The following UBE3D variants were observed in gnomAD, a reference collection of about 807,000 sequenced individuals.
UBE3D encodes the protein E3 ubiquitin-protein ligase E3D.
UBE3D carries 48 observed loss-of-function variants against 49.6 expected under a neutral mutation model. The observed-to-expected ratio is 0.97, with a 90% confidence interval of 0.77 to 1.23. The LOEUF (loss-of-function observed/expected upper bound fraction) is 1.23. Ranked by LOEUF, UBE3D falls within the 50% of genes most tolerant of loss-of-function variation. The probability of loss-of-function intolerance (pLI) is 0.00; values close to 1 mark genes in which losing one functional copy is unlikely to be tolerated. For synonymous variants in UBE3D, 189 were observed against 174.2 expected (o/e 1.08, Z -0.67); for missense variants, 452 against 468.4 (o/e 0.96, Z 0.32).
intron 5 of UBE3D, among the ~76,000 whole-genome samples, chr6:83,028,024 T>G (rs1265936779): frequency 6.6e-6 from 1 of 152,338 alleles, no homozygotes; most frequent in African/African-American, 2.4e-5. Flanking sequence ...CTCTTCAAGT[T>G]GTATCTAATC....
chr6:83,013,167 G>A (rs1048970998), intron 8 of UBE3D, among the ~76,000 whole-genome samples: 1 of 152,150 alleles, frequency 6.6e-6, no homozygotes, highest in African/African-American at 2.4e-5. Context: ...ACCACTTTAT[G>A]GTTAGATGGG....
intron 3 of UBE3D, among the ~76,000 whole-genome samples, chr6:83,047,185 T>C (rs1294906531): frequency 6.6e-6 from 1 of 152,212 alleles, no homozygotes; most frequent in Non-Finnish European, 1.5e-5. Context: ...ATCTGATCTT[T>C]GGTTTAGCCA....
At chr6:82,882,834 G>C in the UBE3D span, among the ~76,000 whole-genome samples, 1 of 151,888 alleles carries the variant, frequency 6.6e-6, no homozygotes, top group Non-Finnish European at 1.5e-5. Context: ...CCTCACCCTA[G>C]TTTCCTTTCA....
chr6:82,899,433 C>T lies in UBE3D; in HGVS notation c.1150-6391G>A, dbSNP rs78475583. Among the ~76,000 whole-genome samples, 644 of 152,232 alleles carry T rather than the reference C, an allele frequency of 4.2e-3. 4 individuals are homozygous for T. Among genetic ancestry groups the T allele is most frequent in the African/African-American group, 0.014 (596 of 41,544 alleles). ...GGGTGTCCGTAAATTAAACTTTCAC[C>T]CTGTATTTGCTTTAAGCCATGAGGC... On this transcript the variant is annotated intron_variant, in intron 9 of 9. Transcript: ENST00000369747.
intron 9 of UBE3D, among the ~76,000 whole-genome samples, chr6:82,900,444 A>C (rs949485817): frequency 2.0e-5 from 3 of 152,242 alleles, no homozygotes; most frequent in African/African-American, 7.2e-5. Context: ...ATTGTGGAAC[A>C]AAATAGATTT....
chr6:83,016,692 A>C (rs954970508), intron 8 of UBE3D, among the ~76,000 whole-genome samples: 1 of 151,266 alleles, frequency 6.6e-6, no homozygotes, highest in African/African-American at 2.4e-5. Context: ...TAAATATATA[A>C]ATCTTCATAT....
At chr6:82,907,914 G>A (rs1772220201) in intron 9 of UBE3D, among the ~76,000 whole-genome samples, 1 of 152,040 alleles carries the variant, frequency 6.6e-6, no homozygotes. Context: ...ATTCAAAACA[G>A]CCCCCAATAG....
At chr6:82,953,723 C>G (rs1037935222) in intron 9 of UBE3D, among the ~76,000 whole-genome samples, 1 of 152,288 alleles carries the variant, frequency 6.6e-6, no homozygotes, top group East Asian at 1.9e-4. Flanking sequence ...ACAGACATTC[C>G]CCCATTCATT....
chr6:82,891,803 A>G (rs1770984980), downstream of UBE3D, among the ~76,000 whole-genome samples: 2 of 152,204 alleles, frequency 1.3e-5, no homozygotes, highest in South Asian at 4.1e-4. Context: ...AGGTGGGTGG[A>G]TCACCTGAGA....
intron 1 of UBE3D, among the ~76,000 whole-genome samples, chr6:83,064,253 C>G (rs1395479639): frequency 2.0e-5 from 3 of 151,884 alleles, no homozygotes; most frequent in African/African-American, 7.3e-5. Context: ...GAGACGGAGT[C>G]TCTTTCTGTT....
intron 5 of UBE3D, among the ~76,000 whole-genome samples, chr6:83,034,940 G>A (rs561347410): frequency 1.3e-5 from 2 of 152,046 alleles, no homozygotes; most frequent in Non-Finnish European, 2.9e-5. Flanking sequence ...CCCAGCACTT[G>A]GAAGGCTGAG....
intron 4 of UBE3D, among the ~76,000 whole-genome samples, chr6:83,038,699 C>T (rs1782441173): frequency 6.6e-6 from 1 of 152,174 alleles, no homozygotes; most frequent in Admixed American, 6.5e-5. Flanking sequence ...TTCACTTTTC[C>T]AAAACCAGCC....
chr6:83,047,975 C>A (rs1316749960), intron 3 of UBE3D, among the ~76,000 whole-genome samples: 1 of 141,816 alleles, frequency 7.1e-6, no homozygotes, highest in South Asian at 2.4e-4. Context: ...CCAGCTACTC[C>A]GGAGGCTGAG....
chr6:83,013,405 CT>C (rs1183119484), intron 8 of UBE3D, among the ~76,000 whole-genome samples: 6 of 152,176 alleles, frequency 3.9e-5, no homozygotes, highest in African/African-American at 1.4e-4. Flanking sequence ...AACAGCATCC[CT>C]AACTGCCAAT....
At chr6:82,888,432 A>T (rs1460358775), downstream of UBE3D, among the ~76,000 whole-genome samples, 3 of 152,150 alleles carry the variant, frequency 2.0e-5, no homozygotes, top group African/African-American at 7.2e-5. Flanking sequence ...AATAGTTTTA[A>T]TCTATGAAAT....
At chr6:82,930,287 TA>T (rs201257136) in intron 9 of UBE3D, among the ~76,000 whole-genome samples, 1,550 of 152,302 alleles carry the variant, frequency 0.01, 32 homozygotes, top group African/African-American at 0.035. Flanking sequence ...CTTTCTTTTA[TA>T]AATATCCAGT....
At chr6:82,997,870 A>G (rs1289622640) in intron 8 of UBE3D, among the ~76,000 whole-genome samples, 1 of 152,240 alleles carries the variant, frequency 6.6e-6, no homozygotes, top group East Asian at 1.9e-4. Context: ...TGAAATTAGA[A>G]ATGGTAGTCC....
intron 1 of UBE3D, among the ~76,000 whole-genome samples, chr6:83,062,832 G>T (rs1329736391): frequency 6.6e-6 from 1 of 152,126 alleles, no homozygotes; most frequent in Non-Finnish European, 1.5e-5. Context: ...TGGGAGAAAT[G>T]ATGGCCTTTT....
the UBE3D span, among the ~76,000 whole-genome samples, chr6:82,887,389 G>GTTTTTGTTTTGTTTTTTTTTTTTTTT: frequency 1.0e-5 from 1 of 98,368 alleles, no homozygotes; most frequent in African/African-American, 5.1e-5. Context: ...GACAGTAACA[G>GTTTTTGTTTTGTTTTTTTTTTTTTTT]TTTTTTTTTT....
Sources: gnomAD v4.1 joint callset for allele counts (sites outside exome capture counted in the v4.1 genomes callset) on GRCh38, gnomAD v4.1.1 for gene constraint, MANE v1.5 for transcripts, NCBI Gene and HGNC (gene_info 2026-07-23, HGNC 2026-07-21) for gene names.